SIM2: variants seen among roughly 807,000 people sequenced by gnomAD.
SIM2 encodes SIM bHLH transcription factor 2, also known as single-minded homolog 2.
Under a neutral mutation model 64.8 loss-of-function variants are expected in SIM2, and 28 were observed. That is an observed-to-expected ratio of 0.43 (90% CI 0.32 to 0.59). The LOEUF is 0.59. Ranked by LOEUF, SIM2 falls within the 20% of genes least tolerant of loss-of-function variation. The probability of loss-of-function intolerance (pLI) is 0.07; values close to 1 mark genes in which losing one functional copy is unlikely to be tolerated. For synonymous variants in SIM2, 408 were observed against 391.1 expected (o/e 1.04, Z -0.51); for missense variants, 847 against 871.4 (o/e 0.97, Z 0.35).
intron 4 of SIM2, among the ~76,000 whole-genome samples, chr21:36,721,785 AC>A (rs1016761054): frequency 1.3e-5 from 2 of 151,562 alleles, no homozygotes; most frequent in African/African-American, 4.9e-5. Flanking sequence ...TTCTCCCCCT[AC>A]CCCCGGTTTC....
chr21:36,738,421 C>T (rs1351128105), intron 7 of SIM2, among the ~76,000 whole-genome samples: 1 of 152,162 alleles, frequency 6.6e-6, no homozygotes, highest in Non-Finnish European at 1.5e-5. Context: ...AGGAGAATCA[C>T]TTGAACCTGG....
At chr21:36,711,476 A>G (rs1416127030) in intron 2 of SIM2, among the ~76,000 whole-genome samples, 2 of 152,236 alleles carry the variant, frequency 1.3e-5, no homozygotes, top group Non-Finnish European at 2.9e-5. Flanking sequence ...TTTTGCAGCA[A>G]ACTGTATTTG....
At chr21:36,703,336 G>A (rs1011850359) in intron 1 of SIM2, among the ~76,000 whole-genome samples, 2 of 152,178 alleles carry the variant, frequency 1.3e-5, no homozygotes, top group African/African-American at 4.8e-5. Context: ...GCGCTACTCG[G>A]CCTTGGTCTC....
intron 1 of SIM2, among the ~76,000 whole-genome samples, chr21:36,703,098 G>T (rs1485729966): frequency 1.3e-5 from 2 of 152,178 alleles, no homozygotes; most frequent in African/African-American, 4.8e-5. Context: ...CTGCGGTCCT[G>T]TGGGGCATGT....
intron 1 of SIM2, among the ~76,000 whole-genome samples, chr21:36,704,794 GC>G (rs1421057045): frequency 6.6e-6 from 1 of 152,226 alleles, no homozygotes; most frequent in East Asian, 1.9e-4. Context: ...CTCCTTCCCT[GC>G]CCCTCCCCAT....
At chr21:36,732,172 C>T (rs980435792) in intron 7 of SIM2, among the ~76,000 whole-genome samples, 6 of 152,204 alleles carry the variant, frequency 3.9e-5, no homozygotes, top group Non-Finnish European at 7.3e-5. Context: ...CATGAGCCAC[C>T]GCACCCAGCC....
In SIM2 at chr21:36,745,537, C is replaced by T. The variant is rs770366811; in HGVS notation, c.1576+401C>T. ...ACCAGAAGTGAATATTTGAGACAAA[C>T]GGCCTATTGGCTATTTTCCCATGCC... On this transcript the variant is annotated intron_variant, in intron 10 of 10. Transcript: ENST00000290399. The surrounding 1 kb of genome is among the most constrained non-coding windows in gnomAD (Gnocchi z 4.8). 35 of 1,118,440 alleles carry T rather than the reference C, an allele frequency of 3.1e-5. No homozygotes were observed. The highest frequency in any genetic ancestry group is 4.7e-5 in the South Asian group (2 of 42,830). 69.3% of individuals were successfully genotyped at this position (1,118,440 alleles called of 1,614,324 possible).
chr21:36,748,145 G>T lies in SIM2; in HGVS notation c.*53G>T. 1 of 1,006,610 alleles carries T rather than the reference G, an allele frequency of 9.9e-7. No individual in the cohort carries two copies. Among genetic ancestry groups the T allele is most frequent in the Non-Finnish European group, 1.2e-6 (1 of 808,076 alleles). 62.4% of individuals were successfully genotyped at this position (1,006,610 alleles called of 1,614,324 possible). A position where few individuals can be genotyped will look rare whatever the true frequency, so the allele number is the denominator to read the frequency against. ...GGACCCGGCCTCCCGGGGCTGCGGC[G>T]CCACCGAGCCCGGCAAATGCGCACG... On this transcript the variant is annotated 3_prime_UTR_variant, in exon 11 of 11. Transcript: ENST00000290399.
intron 5 of SIM2, among the ~76,000 whole-genome samples, chr21:36,724,543 T>C (rs2088865344): frequency 6.6e-6 from 1 of 152,330 alleles, no homozygotes; most frequent in Non-Finnish European, 1.5e-5. Flanking sequence ...CCTCCCAAAG[T>C]GTCAGGATTA....
chr21:36,728,925 G>A (rs891263999), intron 6 of SIM2, among the ~76,000 whole-genome samples: 6 of 152,258 alleles, frequency 3.9e-5, no homozygotes, highest in Admixed American at 1.3e-4. Context: ...AATTGGGTTT[G>A]TCAGGGTTTT....
chr21:36,703,946 G>A (rs1023734546), intron 1 of SIM2, among the ~76,000 whole-genome samples: 2 of 152,248 alleles, frequency 1.3e-5, no homozygotes, highest in African/African-American at 4.8e-5. Flanking sequence ...TGCAAACCTG[G>A]CACAACAGGC....
rs1428599534 is a variant in SIM2, at chr21:36,748,149, C to T, written c.*57C>T. The stretch of plus-strand genomic sequence containing the variant: ...CCGGCCTCCCGGGGCTGCGGCGCCA[C>T]CGAGCCCGGCAAATGCGCACGACCT... On this transcript the variant is annotated 3_prime_UTR_variant, in exon 11 of 11. Transcript: ENST00000290399. 3.1e-6 allele frequency: 3 copies of T among 956,248 alleles called. No individual in the cohort carries two copies. Among genetic ancestry groups the T allele is most frequent in the Non-Finnish European group, 3.9e-6 (3 of 764,484 alleles). The allele number at this position is 956,248 out of a possible 1,614,324, so 59.2% of individuals were successfully genotyped here.
chr21:36,719,762 T>C, intron 3 of SIM2, 59 bp from the exon 4 acceptor site: 27 of 1,003,180 alleles, frequency 2.7e-5, no homozygotes, highest in Non-Finnish European at 4.0e-5. Context: ...ACCTTGCCCC[T>C]CCCCCTGCGC....
Position 36,745,634 on chromosome 21 carries a change from G to A in SIM2, c.1576+498G>A, listed in dbSNP as rs2089219549. Reference sequence around the variant, plus strand: ...GACAGAAATGCCACTCACCAACCCAGGGCAAAGAACACAAACCCTCCAGGC... The same window carrying A: ...GACAGAAATGCCACTCACCAACCCAAGGCAAAGAACACAAACCCTCCAGGC... On this transcript the variant is annotated intron_variant, in intron 10 of 10. Coordinates refer to ENST00000290399, the MANE Select transcript of SIM2 (RefSeq NM_005069.6). This position sits in a 1 kb window ranked among gnomAD's most constrained non-coding sequence, Gnocchi z 4.8. 3.3e-5 allele frequency: 38 copies of A among 1,145,762 alleles called. No individual in the cohort carries two copies. The highest frequency in any genetic ancestry group is 1.7e-4 in the Admixed American group (5 of 29,506). 71.0% of individuals were successfully genotyped at this position (1,145,762 alleles called of 1,614,324 possible).
intron 5 of SIM2, among the ~76,000 whole-genome samples, chr21:36,724,019 T>C (rs1314454955): frequency 6.6e-6 from 1 of 152,206 alleles, no homozygotes; most frequent in African/African-American, 2.4e-5. Context: ...CCAGAAACTT[T>C]CTTCCAGGAG....
At chr21:36,709,024 C>A in intron 1 of SIM2, 144 bp from the exon 2 acceptor site, 1 of 652,370 alleles carries the variant, frequency 1.5e-6, no homozygotes, top group Non-Finnish European at 2.6e-6. Flanking sequence ...CAGATGGCGG[C>A]TGCGGAGCCG....
chr21:36,709,018 T>C (rs1051277620), intron 1 of SIM2, 150 bp from the exon 2 acceptor site: 25 of 634,246 alleles, frequency 3.9e-5, no homozygotes, highest in Non-Finnish European at 6.0e-5. Flanking sequence ...AGAGCACAGA[T>C]GGCGGCTGCG....
intron 1 of SIM2, among the ~76,000 whole-genome samples, chr21:36,707,444 G>C (rs934561384): frequency 1.3e-5 from 2 of 152,050 alleles, no homozygotes; most frequent in South Asian, 4.2e-4. Flanking sequence ...GAGGCTGGGG[G>C]CCCCCGAATA....
At chr21:36,706,995 C>T (rs1489234126) in intron 1 of SIM2, among the ~76,000 whole-genome samples, 1 of 152,230 alleles carries the variant, frequency 6.6e-6, no homozygotes, top group Admixed American at 6.5e-5. Flanking sequence ...CAGGAGATCC[C>T]GGGCAGCGGA....
Sources: allele counts gnomAD v4.1 joint callset (sites outside exome capture counted in the v4.1 genomes callset), GRCh38; gene constraint gnomAD v4.1.1; non-coding constraint Gnocchi (gnomAD v3.1); transcripts MANE v1.5; gene names NCBI Gene and HGNC (gene_info 2026-07-23, HGNC 2026-07-21).